Variants in ERBB4 observed in about 807,000 individuals in gnomAD.
ERBB4 encodes erb-b2 receptor tyrosine kinase 4, also known as receptor tyrosine-protein kinase erbB-4.
In ERBB4, 42 loss-of-function variants were observed where a neutral mutation model predicts 158.0. The ratio of observed to expected loss-of-function variants is 0.27; its 90% confidence interval spans 0.21 to 0.34. The LOEUF (loss-of-function observed/expected upper bound fraction) is 0.34, where lower values mean the gene tolerates loss of function less well. Among genes scored for constraint, ERBB4 ranks in the 10% least tolerant of loss-of-function variants. The pLI, the probability that ERBB4 is intolerant of heterozygous loss-of-function variation, is 1.00. For synonymous variants in ERBB4, 583 were observed against 558.7 expected (o/e 1.04, Z -0.61); for missense variants, 1,333 against 1,624.1 (o/e 0.82, Z 3.08).
chr2:211,391,539 G>A (rs1486460106), intron 25 of ERBB4, among the ~76,000 whole-genome samples: 1 of 152,116 alleles, frequency 6.6e-6, no homozygotes, highest in Non-Finnish European at 1.5e-5. Flanking sequence ...TCCTGGTGGG[G>A]GGGTTTGTAA....
chr2:211,650,895 T>A (rs1007800701), intron 16 of ERBB4, among the ~76,000 whole-genome samples: 4 of 152,198 alleles, frequency 2.6e-5, no homozygotes, highest in Non-Finnish European at 5.9e-5. Flanking sequence ...TTTTTACAAT[T>A]ACATAGAATC....
In ERBB4 at chr2:211,376,968, C is replaced by A. The variant is rs185204841; in HGVS notation, c.*6647G>T. 30 of 233,252 alleles carry A rather than the reference C, an allele frequency of 1.3e-4. No individual in the cohort carries two copies. Among genetic ancestry groups the A allele is most frequent in the African/African-American group, 4.8e-4 (22 of 45,402 alleles). The allele number at this position is 233,252 out of a possible 1,614,324, so 14.4% of individuals were successfully genotyped here. A position where few individuals can be genotyped will look rare whatever the true frequency, so the allele number is the denominator to read the frequency against. On this transcript the variant is annotated 3_prime_UTR_variant, in exon 28 of 28. Coordinates refer to ENST00000342788, the MANE Select transcript of ERBB4 (RefSeq NM_005235.3). ...GTTTAATAATCGACCCATTTAACAGCAGTACCAGTTTATGCTACATATTTC... is the reference window on the plus strand; with the variant it reads ...GTTTAATAATCGACCCATTTAACAGAAGTACCAGTTTATGCTACATATTTC...
chr2:211,616,280 A>G (rs2069386814), intron 19 of ERBB4, among the ~76,000 whole-genome samples: 1 of 152,124 alleles, frequency 6.6e-6, no homozygotes, highest in Admixed American at 6.6e-5. Context: ...AAGAAGCTCC[A>G]GTCACTTACA....
chr2:212,342,334 G>T (rs888339064), intron 1 of ERBB4, among the ~76,000 whole-genome samples: 7 of 152,160 alleles, frequency 4.6e-5, no homozygotes, highest in Admixed American at 1.3e-4. Context: ...CATGGGGGTG[G>T]GTTTTTCCCG....
intron 20 of ERBB4, among the ~76,000 whole-genome samples, chr2:211,478,984 A>G (rs1036131596): frequency 6.6e-5 from 10 of 152,170 alleles, no homozygotes; most frequent in African/African-American, 2.4e-4. Context: ...TTATCCTTCA[A>G]TCAGTCACAT....
At chr2:212,041,931 G>A (rs2077150794) in intron 2 of ERBB4, among the ~76,000 whole-genome samples, 1 of 151,996 alleles carries the variant, frequency 6.6e-6, no homozygotes, top group African/African-American at 2.4e-5. Flanking sequence ...ACATTGTCAT[G>A]ATGAAGACAC....
chr2:211,774,555 G>A (rs926529507), intron 4 of ERBB4, among the ~76,000 whole-genome samples: 16 of 152,148 alleles, frequency 1.1e-4, no homozygotes, highest in Non-Finnish European at 2.2e-4. Context: ...CGTCTGGCCA[G>A]TCATACAAGT....
At chr2:212,129,801 C>T (rs940440567) in intron 1 of ERBB4, among the ~76,000 whole-genome samples, 1 of 151,982 alleles carries the variant, frequency 6.6e-6, no homozygotes, top group Non-Finnish European at 1.5e-5. Context: ...ACATTCTAGT[C>T]TTTGCAGTTT....
intron 1 of ERBB4, among the ~76,000 whole-genome samples, chr2:212,220,398 C>T (rs1045993929): frequency 5.3e-5 from 8 of 151,346 alleles, no homozygotes; most frequent in East Asian, 1.9e-4. Context: ...GCTTTTTATT[C>T]GCCATCCCAA....
chr2:212,165,316 A>G (rs754765459), intron 1 of ERBB4, among the ~76,000 whole-genome samples: 4 of 151,708 alleles, frequency 2.6e-5, no homozygotes, highest in Non-Finnish European at 4.4e-5. Context: ...GCATTAATAT[A>G]TATATATATT....
chr2:212,346,625 C>T (rs1394788), intron 1 of ERBB4, among the ~76,000 whole-genome samples: 120,722 of 151,998 alleles, frequency 0.79, 48,227 homozygotes, highest in Middle Eastern at 0.87. Flanking sequence ...AACCATCATG[C>T]GAAAAAATAT....
intron 4 of ERBB4, among the ~76,000 whole-genome samples, chr2:211,783,508 C>A (rs978835532): frequency 6.6e-6 from 1 of 152,146 alleles, no homozygotes; most frequent in Non-Finnish European, 1.5e-5. Context: ...GTGGGTTTGT[C>A]ATAAATAGCT....
intron 20 of ERBB4, among the ~76,000 whole-genome samples, chr2:211,495,293 T>A (rs1246771785): frequency 6.6e-6 from 1 of 152,048 alleles, no homozygotes; most frequent in Non-Finnish European, 1.5e-5. Context: ...AAAAATCATA[T>A]CAAAATAATT....
At chr2:212,155,908 C>T (rs2081021738) in intron 1 of ERBB4, among the ~76,000 whole-genome samples, 1 of 152,042 alleles carries the variant, frequency 6.6e-6, no homozygotes, top group African/African-American at 2.4e-5. Context: ...ACATATATTA[C>T]AATATCAGAA....
At chr2:212,112,389 A>G (rs62184037) in intron 2 of ERBB4, among the ~76,000 whole-genome samples, 63,108 of 151,596 alleles carry the variant, frequency 0.42, 15,552 homozygotes, top group Non-Finnish European at 0.55. Flanking sequence ...AGGGTCCCCA[A>G]ATTTTGTGGC....
intron 1 of ERBB4, among the ~76,000 whole-genome samples, chr2:212,479,021 C>T (rs1356777552): frequency 6.6e-6 from 1 of 152,168 alleles, no homozygotes; most frequent in Non-Finnish European, 1.5e-5. Context: ...GGGCACTATG[C>T]CAAGCCCTTC....
intron 7 of ERBB4, among the ~76,000 whole-genome samples, chr2:211,716,533 GGGCCT>G (rs2073914488): frequency 6.7e-6 from 1 of 149,770 alleles, no homozygotes. Context: ...AAAATTAGCC[GGGCCT>G]GGTGGCGGGC....
chr2:212,114,955 A>G (rs902116811), intron 2 of ERBB4, among the ~76,000 whole-genome samples: 2 of 152,202 alleles, frequency 1.3e-5, no homozygotes, highest in Non-Finnish European at 2.9e-5. Context: ...TTGAGGGGCT[A>G]CAAGGTGCTG....
chr2:212,300,992 GA>G (rs1396503349), intron 1 of ERBB4, among the ~76,000 whole-genome samples: 2 of 151,412 alleles, frequency 1.3e-5, no homozygotes, highest in Admixed American at 6.6e-5. Context: ...TTTCTTCATT[GA>G]TGTCCTTTAT....
Sources: allele counts gnomAD v4.1 joint callset (sites outside exome capture counted in the v4.1 genomes callset), GRCh38; gene constraint gnomAD v4.1.1; transcripts MANE v1.5; gene names NCBI Gene and HGNC (gene_info 2026-07-23, HGNC 2026-07-21).